The following RABGAP1 variants were observed in gnomAD, a reference collection of about 807,000 sequenced individuals.
RABGAP1 encodes RAB GTPase activating protein 1.
A neutral mutation model predicts 137.6 loss-of-function variants in RABGAP1; 23 were observed. That is an observed-to-expected ratio of 0.17 (90% CI 0.12 to 0.24). RABGAP1 has a LOEUF of 0.24. Ranked by LOEUF, RABGAP1 falls within the 10% of genes least tolerant of loss-of-function variation. RABGAP1 has a pLI of 1.00. For missense variants in RABGAP1, 906 were observed against 1,275.8 expected, an observed-to-expected ratio of 0.71 and a Z score of 4.42; for synonymous variants, 451 against 450.7, an observed-to-expected ratio of 1.00 and a Z score of -0.01.
intron 13 of RABGAP1, chr9:123,029,734 T>C (rs896764026): frequency 9.5e-6 from 6 of 633,710 alleles, no homozygotes; most frequent in African/African-American, 3.6e-5. Context: ...TGTCTTCTTC[T>C]TGTAGTCCTT....
At chr9:122,992,748 A>T (rs1200050904) in intron 6 of RABGAP1, among the ~76,000 whole-genome samples, 1 of 148,482 alleles carries the variant, frequency 6.7e-6, no homozygotes, top group African/African-American at 2.4e-5. Context: ...TGTAATAGTT[A>T]TATACCTATT....
chr9:122,986,291 C>T lies in RABGAP1; in HGVS notation c.462C>T (p.Gly154=). 1 of 1,614,110 alleles carries T rather than the reference C, an allele frequency of 6.2e-7. No individual in the cohort carries two copies. Among genetic ancestry groups the T allele is most frequent in the Non-Finnish European group, 8.5e-7 (1 of 1,179,998 alleles). Residue 154 remains glycine, a synonymous_variant, in exon 4 of 26, where the codon GGC becomes GGT. Coordinates refer to ENST00000373647, the MANE Select transcript of RABGAP1 (RefSeq NM_012197.4). ...SVVFSKLTYL[G]CASVNAPRSE... is the part of the protein sequence containing the mutation. The stretch of plus-strand genomic sequence containing the variant: ...TTTTCAGTAAACTGACTTACTTAGG[C>T]TGTGCCTCGGTAAATGCTCCCAGGA...
At chr9:123,040,785 T>C (rs190680393) in intron 13 of RABGAP1, among the ~76,000 whole-genome samples, 1 of 152,292 alleles carries the variant, frequency 6.6e-6, no homozygotes, top group East Asian at 1.9e-4. Flanking sequence ...CTATAAAAAT[T>C]AATAGCATCA....
At chr9:123,013,695 T>A (rs989908407) in intron 11 of RABGAP1, among the ~76,000 whole-genome samples, 8 of 152,200 alleles carry the variant, frequency 5.3e-5, no homozygotes, top group Admixed American at 2.6e-4. Context: ...TTCTATCATC[T>A]TCTGTGTCTC....
At chr9:123,023,329 C>T (rs1419118208) in intron 13 of RABGAP1, among the ~76,000 whole-genome samples, 10 of 152,040 alleles carry the variant, frequency 6.6e-5, no homozygotes, top group Admixed American at 4.6e-4. Flanking sequence ...TACAGGCACA[C>T]GCCACCAAGC....
At chr9:123,064,888 C>T (rs764962118) in intron 13 of RABGAP1, among the ~76,000 whole-genome samples, 2 of 152,180 alleles carry the variant, frequency 1.3e-5, no homozygotes, top group Non-Finnish European at 2.9e-5. Context: ...GCCTCTAGGA[C>T]AAATCCCAAT....
chr9:123,008,786 T>A (rs1417277521), intron 10 of RABGAP1, among the ~76,000 whole-genome samples: 1 of 152,192 alleles, frequency 6.6e-6, no homozygotes, highest in African/African-American at 2.4e-5. Context: ...TGAGTACTTG[T>A]GGAACTTGGA....
chr9:123,029,323 T>C (rs2032167805), intron 13 of RABGAP1: 1 of 681,126 alleles, frequency 1.5e-6, no homozygotes, highest in East Asian at 2.6e-5. Flanking sequence ...GCTCATTTTT[T>C]TTTTTTACTT....
At chr9:123,100,025 T>G (rs2035294172) in intron 24 of RABGAP1, among the ~76,000 whole-genome samples, 1 of 152,214 alleles carries the variant, frequency 6.6e-6, no homozygotes, top group African/African-American at 2.4e-5. Context: ...GGTCTCACTA[T>G]GTTGCCCAGG....
At chr9:122,961,175 A>G (rs1834833131) in intron 2 of RABGAP1, among the ~76,000 whole-genome samples, 1 of 152,192 alleles carries the variant, frequency 6.6e-6, no homozygotes, top group Admixed American at 6.5e-5. Flanking sequence ...CAGGAAGTTC[A>G]ATGAACTCCA....
intron 1 of RABGAP1, among the ~76,000 whole-genome samples, chr9:122,955,423 A>G (rs1218131358): frequency 2.0e-5 from 3 of 152,200 alleles, no homozygotes; most frequent in Non-Finnish European, 4.4e-5. Context: ...TCAAAAGTAC[A>G]ATTTGAAATG....
chr9:123,101,547 A>C lies in RABGAP1; in HGVS notation c.2890-19A>C, dbSNP rs1347864506. ...CAGTTCCTCTTCTTTGCCTCTTCAC[A>C]TCTAACATTCAATTTCAGCAAAAAG... On this transcript the variant is annotated intron_variant, in intron 24 of 25. Coordinates refer to ENST00000373647, the MANE Select transcript of RABGAP1 (RefSeq NM_012197.4). The C allele has an allele frequency of 6.2e-7, 1 of 1,610,184 alleles. No individual in the cohort carries two copies. Among genetic ancestry groups the C allele is most frequent in the Non-Finnish European group, 8.5e-7 (1 of 1,177,614 alleles).
At position 123,020,433 on chromosome 9, in the gene RABGAP1, G is replaced by A; in HGVS notation, c.1768G>A (p.Glu590Lys). 6.2e-7 allele frequency: 1 copy of A among 1,601,374 alleles called. No individual in the cohort carries two copies. Among genetic ancestry groups the A allele is most frequent in the Non-Finnish European group, 8.5e-7 (1 of 1,173,552 alleles). Reference sequence around the variant, plus strand: ...CTGTCATAACAATGACCACCTGGTAGAGAAATACCGCATTCTTATCACAAA... The same window carrying A: ...CTGTCATAACAATGACCACCTGGTAAAGAAATACCGCATTCTTATCACAAA... ...AGCHNNDHLV[E>K]KYRILITKES... The change falls in exon 13 of 26, where the codon GAG (glutamate) becomes AAG (lysine). Residue 590 changes from glutamate (E) to lysine (K), a missense_variant. Glu to Lys is a moderately conservative substitution (Grantham distance 56). This residue lies in a region of RABGAP1 where 212 missense variants were observed against 289.4 expected (regional missense o/e 0.73). Coordinates refer to ENST00000373647, the MANE Select transcript of RABGAP1 (RefSeq NM_012197.4).
Position 122,984,540 on chromosome 9 carries a change from T to G in RABGAP1, c.206T>G (p.Met69Arg). The change falls in exon 3 of 26, where the codon ATG becomes AGG. Residue 69 changes from methionine (M) to arginine (R), a missense_variant. Physicochemically the swap from Met to Arg is moderately conservative, Grantham distance 91. Transcript: ENST00000373647. The stretch of plus-strand genomic sequence containing the variant: ...CAAAAAGAGCTAGCAGATGTACTGA[T>G]GGATCCTCCAATGGACGACCAGCCA... ...QLQKELADVLMDPPMDDQPGE... is the reference protein window; with the variant it reads ...QLQKELADVLRDPPMDDQPGE... 18 of 1,614,176 alleles carry G rather than the reference T, an allele frequency of 1.1e-5. No individual in the cohort carries two copies. Among genetic ancestry groups the G allele is most frequent in the Non-Finnish European group, 1.5e-5 (18 of 1,180,026 alleles).
intron 19 of RABGAP1, among the ~76,000 whole-genome samples, chr9:123,084,357 C>A (rs926539996): frequency 2.6e-5 from 4 of 152,152 alleles, no homozygotes; most frequent in Admixed American, 1.3e-4. Context: ...CCACATGAAG[C>A]AATGAAGACT....
intron 2 of RABGAP1, among the ~76,000 whole-genome samples, chr9:122,980,181 C>T (rs1004621050): frequency 6.6e-6 from 1 of 152,214 alleles, no homozygotes; most frequent in Non-Finnish European, 1.5e-5. Flanking sequence ...CATATAAGGC[C>T]TGCAAAGCCT....
At chr9:122,932,106 A>G in the RABGAP1 span, among the ~76,000 whole-genome samples, 1 of 152,116 alleles carries the variant, frequency 6.6e-6, no homozygotes, top group East Asian at 1.9e-4. Flanking sequence ...AGTACCTTTT[A>G]ATGATCTCAA....
At chr9:123,088,855 G>A (rs1476926812) in intron 19 of RABGAP1, among the ~76,000 whole-genome samples, 1 of 152,182 alleles carries the variant, frequency 6.6e-6, no homozygotes, top group Non-Finnish European at 1.5e-5. Flanking sequence ...AGAGAAGATT[G>A]GTCATGTTAA....
intron 10 of RABGAP1, among the ~76,000 whole-genome samples, chr9:123,003,335 C>G (rs1175375183): frequency 6.6e-6 from 1 of 152,116 alleles, no homozygotes; most frequent in Non-Finnish European, 1.5e-5. Flanking sequence ...GTTATATGAA[C>G]AAAACATATA....
Sources: gnomAD v4.1 joint callset for allele counts (sites outside exome capture counted in the v4.1 genomes callset) on GRCh38, gnomAD v4.1.1 for gene constraint, gnomAD v4.1.1 regional missense constraint, MANE v1.5 for transcripts, NCBI Gene and HGNC (gene_info 2026-07-23, HGNC 2026-07-21) for gene names.